The following CCNE1 variants were observed in gnomAD, a reference collection of about 807,000 sequenced individuals.
The protein encoded by CCNE1 is G1/S-specific cyclin-E1.
In CCNE1, 8 loss-of-function variants were observed where a neutral mutation model predicts 54.1. The observed-to-expected ratio is 0.15, with a 90% CI of 0.09 to 0.27. The LOEUF is 0.27. CCNE1 is among the 10% of genes least tolerant of loss of function. CCNE1 has a pLI of 1.00. For missense variants in CCNE1, 430 were observed against 514.9 expected (o/e 0.84, Z 1.60); for synonymous variants, 179 against 185.2 (o/e 0.97, Z 0.27).
intron 4 of CCNE1, among the ~76,000 whole-genome samples, chr19:29,816,273 A>G (rs1303913127): frequency 6.6e-6 from 1 of 152,228 alleles, no homozygotes; most frequent in Non-Finnish European, 1.5e-5. Flanking sequence ...AAAATCAAAC[A>G]GACTTCTTAG....
Position 29,822,352 on chromosome 19 carries a change from G to GTAAGTTGGC in CCNE1, c.952+3_952+11dup. On this transcript the variant is annotated splice_donor_variant, in intron 10 of 11. Coordinates refer to ENST00000262643, the MANE Select transcript of CCNE1 (RefSeq NM_001238.4). LOFTEE classifies it high-confidence loss of function. ...TCTGAATTGATGCAAAAGGTTTCAG[G>GTAAGTTGGC]TAAGTTGGCTTTCCAGTGCATGCAC... is the stretch of plus-strand genomic sequence containing the variant. 4 of 1,613,936 alleles carry GTAAGTTGGC rather than the reference G, an allele frequency of 2.5e-6. No homozygotes were observed. The highest frequency in any genetic ancestry group is 2.5e-6 in the Non-Finnish European group (3 of 1,179,834).
intron 4 of CCNE1, among the ~76,000 whole-genome samples, chr19:29,816,720 CTTTTAAG>C (rs1221789559): frequency 2.6e-5 from 4 of 151,820 alleles, no homozygotes; most frequent in Admixed American, 2.0e-4. Flanking sequence ...TTTTATTATA[CTTTTAAG>C]TTTTAGGGTA....
chr19:29,813,290 C>T (rs1002038229), intron 4 of CCNE1: 23 of 529,234 alleles, frequency 4.3e-5, no homozygotes, highest in Non-Finnish European at 6.5e-5. Context: ...CTGGAAGAAC[C>T]AGAATGGACA....
At position 29,822,670 on chromosome 19, in the gene CCNE1, G is replaced by A. The variant is rs373972050; in HGVS notation, c.1110+67G>A. ...TTAAAACTGCCTAAATAGGCCAGCCGCGGTGGTTCAGGCCTGTAAACCCAG... is the reference window on the plus strand; with the variant it reads ...TTAAAACTGCCTAAATAGGCCAGCCACGGTGGTTCAGGCCTGTAAACCCAG... On this transcript the variant is annotated intron_variant, in intron 11 of 11. Coordinates refer to ENST00000262643, the MANE Select transcript of CCNE1 (RefSeq NM_001238.4). The A allele has an allele frequency of 1.3e-4, 201 of 1,502,024 alleles. 1 individual carries two copies. In the African/African-American group the frequency reaches 1.6e-3, roughly 12 times the overall value. The allele number at this position is 1,502,024 out of a possible 1,614,324, so 93.0% of individuals were successfully genotyped here.
At position 29,813,049 on chromosome 19, in the gene CCNE1, C is replaced by A. The variant is rs779222571; in HGVS notation, c.180+12C>A. 4 of 1,613,678 alleles carry A rather than the reference C, an allele frequency of 2.5e-6. No homozygotes were observed. Among genetic ancestry groups the A allele is most frequent in the East Asian group, 2.2e-5 (1 of 44,882 alleles). On this transcript the variant is annotated intron_variant, in intron 4 of 11. Coordinates refer to ENST00000262643, the MANE Select transcript of CCNE1 (RefSeq NM_001238.4). Reference sequence around the variant, plus strand: ...AGTGTGGGAGCCAGGTAGGTCCGCCCGGGGTTGGGCCTCTGTGGAGGTCCT... The same window carrying A: ...AGTGTGGGAGCCAGGTAGGTCCGCCAGGGGTTGGGCCTCTGTGGAGGTCCT...
Position 29,822,607 on chromosome 19 carries a change from A to G in CCNE1, c.1110+4A>G, listed in dbSNP as rs1166794411. ...CAGAGACAGCTTGGATTTGCTGGTC[A>G]GTGCTGCTCCTTCTTTCAGTCCTTC... On this transcript the variant is annotated splice_donor_region_variant and intron_variant, in intron 11 of 11. Transcript: ENST00000262643. The G allele has an allele frequency of 6.3e-7, 1 of 1,588,592 alleles. No individual in the cohort carries two copies. Among genetic ancestry groups the G allele is most frequent in the Non-Finnish European group, 8.6e-7 (1 of 1,165,268 alleles).
rs2145726880 is a variant in CCNE1, at chr19:29,820,735, T to C, written c.496T>C (p.Phe166Leu). 6.2e-7 allele frequency: 1 copy of C among 1,611,210 alleles called. No homozygotes were observed. The highest frequency in any genetic ancestry group is 8.5e-7 in the Non-Finnish European group (1 of 1,177,694). Residue 166 changes from phenylalanine (F) to leucine (L), a missense_variant, in exon 7 of 12, where the codon TTT becomes CTT. Around this residue, in one of 2 missense-constraint regions of CCNE1, gnomAD observed 303 missense variants for 401.1 expected, o/e 0.76. Transcript: ENST00000262643. ...AGTCTATAAACTTCACAGGGAGACCTTTTACTTGGCACAAGATTTCTTTGA... is the reference window on the plus strand; with the variant it reads ...AGTCTATAAACTTCACAGGGAGACCCTTTACTTGGCACAAGATTTCTTTGA... ...CEVYKLHRET[F>L]YLAQDFFDRY...
chr19:29,814,453 G>C (rs555504100), intron 4 of CCNE1, among the ~76,000 whole-genome samples: 1 of 152,090 alleles, frequency 6.6e-6, no homozygotes, highest in Non-Finnish European at 1.5e-5. Context: ...CCACAGTGTG[G>C]ATAGCTGTGC....
At chr19:29,817,020 C>T in intron 4 of CCNE1, 117 bp from the exon 5 acceptor site, 1 of 1,063,580 alleles carries the variant, frequency 9.4e-7, no homozygotes, top group Non-Finnish European at 1.3e-6. Context: ...TTTGGAAGCA[C>T]TTTCAGAAGT....
At chr19:29,817,071 GTT>G in intron 4 of CCNE1, 64 bp from the exon 5 acceptor site, 1 of 1,521,478 alleles carries the variant, frequency 6.6e-7, no homozygotes. Context: ...AATTTGTAAT[GTT>G]TTTGGGTAAT....
chr19:29,823,655 G>A lies in CCNE1; in HGVS notation c.1111G>A (p.Asp371Asn). ...QTHRDSLDLL[D>N]KARAKKAMLS... Reference sequence around the variant, plus strand: ...TTGTCCCTTTTATTCTTACCAACAGGACAAAGCCCGAGCAAAGAAAGCCAT... The same window carrying A: ...TTGTCCCTTTTATTCTTACCAACAGAACAAAGCCCGAGCAAAGAAAGCCAT... The change falls in exon 12 of 12, where the codon GAC becomes AAC. Residue 371 changes from aspartate to asparagine, a missense_variant and splice_region_variant. By Grantham distance (23) the Asp-to-Asn change is conservative. Coordinates refer to ENST00000262643, the MANE Select transcript of CCNE1 (RefSeq NM_001238.4). The A allele has an allele frequency of 3.1e-6, 5 of 1,613,912 alleles. No individual in the cohort carries two copies. Among genetic ancestry groups the A allele is most frequent in the Non-Finnish European group, 4.2e-6 (5 of 1,179,874 alleles).
rs760050164 is a variant in CCNE1, at chr19:29,822,096, A to G, written c.806A>G (p.Gln269Arg). 2 of 1,614,032 alleles carry G rather than the reference A, an allele frequency of 1.2e-6. No individual in the cohort carries two copies. Among genetic ancestry groups the G allele is most frequent in the Admixed American group, 3.3e-5 (2 of 60,010 alleles). Residue 269 changes from glutamine (Q) to arginine (R), a missense_variant, in exon 9 of 12, where the codon CAG (glutamine) becomes CGG (arginine). Coordinates refer to ENST00000262643, the MANE Select transcript of CCNE1 (RefSeq NM_001238.4). ...LNDLHEVLLP[Q>R]YPQQIFIQIA... ...GACTTACATGAAGTGCTACTGCCGC[A>G]GTATCCCCAGCAAATCTTTATACAG...
At chr19:29,821,672 A>G (rs763746882) in intron 7 of CCNE1, 50 bp from the exon 8 acceptor site, 2 of 1,047,424 alleles carry the variant, frequency 1.9e-6, no homozygotes, top group African/African-American at 3.2e-5. Flanking sequence ...ATAAATTGAG[A>G]CTGTTAGAGA....
Position 29,824,102 on chromosome 19 carries a change from C to T in CCNE1, c.*325C>T, listed in dbSNP as rs73925742. On this transcript the variant is annotated 3_prime_UTR_variant, in exon 12 of 12. Coordinates refer to ENST00000262643, the MANE Select transcript of CCNE1 (RefSeq NM_001238.4). ...TTGAAGCTGTGGAGGGCCACGGTGG[C>T]GTGGCTCTCCTCGCAGGTGTTCTGG... 165 of 290,984 alleles carry T rather than the reference C, an allele frequency of 5.7e-4. No homozygotes were observed. Among genetic ancestry groups the T allele is most frequent in the African/African-American group, 2.3e-3 (110 of 47,128 alleles). The allele number at this position is 290,984 out of a possible 1,614,324, so 18.0% of individuals were successfully genotyped here. A position where few individuals can be genotyped will look rare whatever the true frequency, so the allele number is the denominator to read the frequency against.
At position 29,823,884 on chromosome 19, in the gene CCNE1, AGT is replaced by A; in HGVS notation, c.*110_*111del. ...GCTTTTACAGATATCTGAATGGAAG[AGT>A]GTTTCTTCCACAACAGAAGTATTTC... On this transcript the variant is annotated 3_prime_UTR_variant, in exon 12 of 12. Transcript: ENST00000262643. 3 of 1,213,800 alleles carry A rather than the reference AGT, an allele frequency of 2.5e-6. No individual in the cohort carries two copies. Among genetic ancestry groups the A allele is most frequent in the African/African-American group, 3.0e-5 (2 of 65,994 alleles). 75.2% of individuals were successfully genotyped at this position (1,213,800 alleles called of 1,614,324 possible). A position where few individuals can be genotyped will look rare whatever the true frequency, so the allele number is the denominator to read the frequency against.
In CCNE1 at chr19:29,812,550, C is replaced by T. The variant is rs1470536797; in HGVS notation, c.-6C>T. 6.7e-7 allele frequency: 1 copy of T among 1,498,058 alleles called. No individual in the cohort carries two copies. Among genetic ancestry groups the T allele is most frequent in the East Asian group, 2.5e-5 (1 of 39,390 alleles). 92.8% of individuals were successfully genotyped at this position (1,498,058 alleles called of 1,614,324 possible). A position where few individuals can be genotyped will look rare whatever the true frequency, so the allele number is the denominator to read the frequency against. ...CCCGCAGGCCTCAGGCCGGAGCAGC[C>T]CCATCATGCCGAGGGAGCGCAGGGA... is the stretch of plus-strand genomic sequence containing the variant. On this transcript the variant is annotated 5_prime_UTR_variant, in exon 2 of 12. Transcript: ENST00000262643.
intron 11 of CCNE1, 143 bp from the exon 12 acceptor site, chr19:29,823,512 G>A (rs1321768440): frequency 1.7e-6 from 1 of 575,336 alleles, no homozygotes; most frequent in Admixed American, 3.7e-5. Context: ...TCCCACCACT[G>A]TACTACAGTC....
At chr19:29,821,573 C>T (rs1486465711) in intron 7 of CCNE1, 149 bp from the exon 8 acceptor site, 3 of 123,612 alleles carry the variant, frequency 2.4e-5, no homozygotes, top group Non-Finnish European at 4.5e-5. Flanking sequence ...TTTTTTTTTA[C>T]AACCATTGGT....
At chr19:29,812,429 C>T in intron 1 of CCNE1, 103 bp from the exon 2 acceptor site, 1 of 766,880 alleles carries the variant, frequency 1.3e-6, no homozygotes, top group Middle Eastern at 4.6e-4. Context: ...ACCCCGCCAT[C>T]GGCCATCTTC....
Sources: allele counts gnomAD v4.1 joint callset (sites outside exome capture counted in the v4.1 genomes callset), GRCh38; gene constraint gnomAD v4.1.1; regional missense constraint gnomAD v4.1.1; transcripts MANE v1.5; gene names NCBI Gene and HGNC (gene_info 2026-07-23, HGNC 2026-07-21).